NKAIN3: variants seen among roughly 807,000 people sequenced by gnomAD.
NKAIN3 encodes the protein sodium/potassium-transporting ATPase subunit beta-1-interacting protein 3.
NKAIN3 carries 25 observed loss-of-function variants against 30.2 expected under a neutral mutation model. That is an observed-to-expected ratio of 0.83 (90% CI 0.60 to 1.16). NKAIN3 has a LOEUF of 1.16. Ranked by LOEUF, NKAIN3 falls within the 50% of genes most tolerant of loss-of-function variation. The pLI is 0.00. For synonymous variants in NKAIN3, 91 were observed against 89.6 expected, an observed-to-expected ratio of 1.02 and a Z score of -0.09; for missense variants, 225 against 254.1, an observed-to-expected ratio of 0.89 and a Z score of 0.78.
At chr8:62,692,044 C>T (rs922381655) in intron 3 of NKAIN3, among the ~76,000 whole-genome samples, 5 of 152,138 alleles carry the variant, frequency 3.3e-5, no homozygotes, top group Non-Finnish European at 2.9e-5. Flanking sequence ...TGGCTTTTCT[C>T]GGCATAATCT....
At chr8:62,314,122 A>G (rs753999799) in intron 1 of NKAIN3, among the ~76,000 whole-genome samples, 2 of 152,204 alleles carry the variant, frequency 1.3e-5, no homozygotes, top group African/African-American at 2.4e-5. Context: ...AGGCACTCAG[A>G]ATAAGATCAT....
chr8:62,333,473 A>T (rs891373451), intron 1 of NKAIN3, among the ~76,000 whole-genome samples: 2 of 152,086 alleles, frequency 1.3e-5, no homozygotes, highest in African/African-American at 4.8e-5. Context: ...GGGGCTACTT[A>T]AGTGAGGTTT....
chr8:62,918,049 GTT>G (rs1349514980), intron 4 of NKAIN3, among the ~76,000 whole-genome samples: 2 of 152,148 alleles, frequency 1.3e-5, no homozygotes, highest in Non-Finnish European at 2.9e-5. Flanking sequence ...TAAGCAACAT[GTT>G]TTGATTCCTT....
chr8:62,659,295 C>T (rs536657295), intron 3 of NKAIN3, among the ~76,000 whole-genome samples: 27 of 152,318 alleles, frequency 1.8e-4, no homozygotes, highest in South Asian at 8.3e-4. Context: ...AAAGAGCCTC[C>T]GGCTCTAGCA....
At chr8:62,926,151 C>A (rs1279485996) in intron 5 of NKAIN3, among the ~76,000 whole-genome samples, 3 of 152,128 alleles carry the variant, frequency 2.0e-5, no homozygotes, top group Non-Finnish European at 2.9e-5. Flanking sequence ...CCTCGTGACA[C>A]CCTGGATGCA....
chr8:62,927,771 A>G (rs945418551), intron 5 of NKAIN3, among the ~76,000 whole-genome samples: 5 of 152,210 alleles, frequency 3.3e-5, no homozygotes, highest in African/African-American at 1.2e-4. Flanking sequence ...CATTCCTACT[A>G]TAGAGTTTAT....
intron 6 of NKAIN3, among the ~76,000 whole-genome samples, chr8:62,962,875 TTCTG>T (rs1210175447): frequency 6.6e-6 from 1 of 152,152 alleles, no homozygotes; most frequent in Non-Finnish European, 1.5e-5. Context: ...CATAATACTA[TTCTG>T]TCTATCTTTG....
chr8:62,632,439 G>A (rs1476995827), intron 3 of NKAIN3, among the ~76,000 whole-genome samples: 3 of 152,112 alleles, frequency 2.0e-5, no homozygotes, highest in African/African-American at 7.2e-5. Context: ...AGAAAACAAA[G>A]TTTCTCTGGG....
intron 5 of NKAIN3, among the ~76,000 whole-genome samples, chr8:62,949,723 CTT>C (rs11345295): frequency 2.0e-5 from 3 of 149,166 alleles, no homozygotes; most frequent in East Asian, 2.0e-4. Flanking sequence ...AATTGTGTTG[CTT>C]TTTTTTTTTC....
intron 4 of NKAIN3, among the ~76,000 whole-genome samples, chr8:62,896,371 A>G (rs747536697): frequency 7.2e-5 from 11 of 152,106 alleles, no homozygotes; most frequent in Non-Finnish European, 1.5e-4. Flanking sequence ...GAACATGTAC[A>G]TTCTGAGGGG....
At chr8:62,447,081 T>C (rs1563402751) in intron 1 of NKAIN3, among the ~76,000 whole-genome samples, 1 of 152,084 alleles carries the variant, frequency 6.6e-6, no homozygotes. Context: ...GTATCCGTTA[T>C]AGAGTGACCA....
At chr8:62,942,189 CAT>C (rs1049599734) in intron 5 of NKAIN3, among the ~76,000 whole-genome samples, 16 of 80,428 alleles carry the variant, frequency 2.0e-4, no homozygotes, top group South Asian at 4.0e-4. Flanking sequence ...TATATATACA[CAT>C]ATATATACAC....
At position 62,969,218 on chromosome 8, in the gene NKAIN3, G is replaced by C. The variant is rs922636507; in HGVS notation, c.*3811G>C. Among the ~76,000 whole-genome samples, 1 of 152,136 alleles carries C rather than the reference G, an allele frequency of 6.6e-6. No individual in the cohort carries two copies. The highest frequency in any genetic ancestry group is 2.4e-5 in the African/African-American group (1 of 41,420). On this transcript the variant is annotated 3_prime_UTR_variant, in exon 7 of 7. Transcript: ENST00000623646. ...TGTTATTCCTATAGACCTAAATAAG[G>C]GAGGCAGCCAGTTTCAAGAGGCTGG...
intron 5 of NKAIN3, among the ~76,000 whole-genome samples, chr8:62,992,350 T>C (rs1824338119): frequency 6.6e-6 from 1 of 152,096 alleles, no homozygotes; most frequent in South Asian, 2.1e-4. Flanking sequence ...CCTGTATCTC[T>C]GATCTCTCTG....
At chr8:62,452,645 T>A (rs6989336) in intron 1 of NKAIN3, among the ~76,000 whole-genome samples, 39,616 of 152,050 alleles carry the variant, frequency 0.26, 5,274 homozygotes, top group Middle Eastern at 0.4. Context: ...TACAAAAATA[T>A]ATTTTGAGGA....
chr8:62,802,432 T>C (rs1158662345), intron 4 of NKAIN3, among the ~76,000 whole-genome samples: 1 of 152,166 alleles, frequency 6.6e-6, no homozygotes, highest in East Asian at 1.9e-4. Flanking sequence ...TGGCAGAAAC[T>C]CTACAAGCCA....
At chr8:62,692,267 C>T (rs1429951364) in intron 3 of NKAIN3, among the ~76,000 whole-genome samples, 1 of 152,132 alleles carries the variant, frequency 6.6e-6, no homozygotes. Flanking sequence ...TTGTAAAGGG[C>T]ATAGATAAGG....
At position 62,660,444 on chromosome 8, in the gene NKAIN3, CT is replaced by C. The variant is rs57996773; in HGVS notation, c.273+70660del. ...ATTATACATTTAAAAACTAGGCTTG[CT>C]TTTTTTTTTCCTTTCTAACAGTAGT... On this transcript the variant is annotated intron_variant, in intron 3 of 6. Coordinates refer to ENST00000623646, the MANE Select transcript of NKAIN3 (RefSeq NM_001304533.3). Among the ~76,000 whole-genome samples, 34 of 148,820 alleles carry C rather than the reference CT, an allele frequency of 2.3e-4. No homozygotes were observed. In the East Asian group the frequency reaches 4.1e-3, roughly 18 times the overall value.
chr8:62,722,913 C>T (rs556906723), intron 3 of NKAIN3, among the ~76,000 whole-genome samples: 16 of 152,280 alleles, frequency 1.1e-4, no homozygotes, highest in South Asian at 6.2e-4. Flanking sequence ...CTGTCTCCTA[C>T]AGCCATCCAA....
Sources: allele counts gnomAD v4.1 joint callset (sites outside exome capture counted in the v4.1 genomes callset), GRCh38; gene constraint gnomAD v4.1.1; transcripts MANE v1.5; gene names NCBI Gene and HGNC (gene_info 2026-07-23, HGNC 2026-07-21).